The following DENND1B variants were observed in gnomAD, a reference collection of about 807,000 sequenced individuals.
The protein encoded by DENND1B is DENN domain-containing protein 1B.
In DENND1B, 59 loss-of-function variants were observed where a neutral mutation model predicts 90.1. The observed-to-expected ratio is 0.65, with a 90% CI of 0.53 to 0.81. The LOEUF is 0.81. Ranked by LOEUF, DENND1B falls within the 40% of genes least tolerant of loss-of-function variation. DENND1B has a pLI of 0.00. For missense variants in DENND1B, 862 were observed against 912.6 expected (o/e 0.94, Z 0.71); for synonymous variants, 337 against 324.6 (o/e 1.04, Z -0.41).
intron 2 of DENND1B, among the ~76,000 whole-genome samples, chr1:197,718,003 C>A (rs537539135): frequency 6.6e-6 from 1 of 151,846 alleles, no homozygotes; most frequent in Non-Finnish European, 1.5e-5. Context: ...TTCTTGATTA[C>A]GGGTTTCAGT....
chr1:197,781,002 T>C, the DENND1B span, among the ~76,000 whole-genome samples: 1 of 152,154 alleles, frequency 6.6e-6, no homozygotes, highest in Admixed American at 6.5e-5. Context: ...CAACCACTTA[T>C]TCATTGAATC....
intron 15 of DENND1B, among the ~76,000 whole-genome samples, chr1:197,582,552 C>G (rs933709848): frequency 3.3e-5 from 5 of 152,138 alleles, no homozygotes; most frequent in Non-Finnish European, 5.9e-5. Context: ...AAGACACTTG[C>G]TATGATTACA....
intron 10 of DENND1B, among the ~76,000 whole-genome samples, chr1:197,618,927 G>T (rs1180220627): frequency 6.6e-6 from 1 of 151,084 alleles, no homozygotes; most frequent in Admixed American, 6.6e-5. Flanking sequence ...AGCCACATTT[G>T]TCTATGTTTA....
At chr1:197,527,544 C>A (rs960141958) in intron 20 of DENND1B, among the ~76,000 whole-genome samples, 1 of 151,918 alleles carries the variant, frequency 6.6e-6, no homozygotes, top group Non-Finnish European at 1.5e-5. Context: ...GGCCTCCAAA[C>A]GTGCTGGGAT....
intron 9 of DENND1B, among the ~76,000 whole-genome samples, chr1:197,643,463 T>C (rs1236397631): frequency 1.3e-5 from 2 of 151,960 alleles, no homozygotes; most frequent in African/African-American, 2.4e-5. Context: ...GCCAAGAATC[T>C]GTTTTGTAAA....
chr1:197,780,815 T>C, the DENND1B span, among the ~76,000 whole-genome samples: 1 of 152,180 alleles, frequency 6.6e-6, no homozygotes, highest in African/African-American at 2.4e-5. Context: ...ATTGCAACTT[T>C]TTAATCCACC....
At chr1:197,618,574 T>G (rs1677871470) in intron 10 of DENND1B, among the ~76,000 whole-genome samples, 1 of 151,320 alleles carries the variant, frequency 6.6e-6, no homozygotes, top group African/African-American at 2.4e-5. Flanking sequence ...GATATCACTT[T>G]TTTCTCCCAT....
In DENND1B at chr1:197,625,428, A is replaced by T. The variant is rs377593907; in HGVS notation, c.673-7669T>A. ...CCAGCCAAACTAAGCTTCATAAGTG[A>T]AGGAAAAATAAAATACTTTACAGAC... On this transcript the variant is annotated intron_variant, in intron 10 of 22. Transcript: ENST00000620048. 6.6e-4 allele frequency among the ~76,000 whole-genome samples: 100 copies of T among 152,260 alleles called. No individual in the cohort carries two copies. In the East Asian group the frequency reaches 0.019, roughly 29 times the overall value.
At chr1:197,725,099 T>G (rs1661505388) in intron 2 of DENND1B, among the ~76,000 whole-genome samples, 1 of 152,066 alleles carries the variant, frequency 6.6e-6, no homozygotes, top group South Asian at 2.1e-4. Flanking sequence ...AAAAGACACA[T>G]CTTTAGATTT....
intron 2 of DENND1B, among the ~76,000 whole-genome samples, chr1:197,771,304 T>C (rs1022996051): frequency 2.6e-5 from 4 of 152,248 alleles, no homozygotes; most frequent in Non-Finnish European, 5.9e-5. Context: ...TAAACCACTA[T>C]AGAATAGAAT....
intron 10 of DENND1B, among the ~76,000 whole-genome samples, chr1:197,640,547 A>T (rs1680179526): frequency 6.6e-6 from 1 of 151,962 alleles, no homozygotes; most frequent in Non-Finnish European, 1.5e-5. Context: ...TTCTATGCAG[A>T]TATCATTCTA....
At chr1:197,659,992 G>C (rs1654244786) in intron 5 of DENND1B, among the ~76,000 whole-genome samples, 1 of 151,738 alleles carries the variant, frequency 6.6e-6, no homozygotes, top group East Asian at 1.9e-4. Context: ...AACAGCTGAA[G>C]AGAACTCCAA....
intron 22 of DENND1B, 133 bp downstream of exon 22, chr1:197,511,595 T>C (rs1360281648): frequency 6.2e-6 from 3 of 482,728 alleles, no homozygotes; most frequent in Non-Finnish European, 1.0e-5. Flanking sequence ...AATTTTATCA[T>C]ATTTTTGAAG....
chr1:197,651,595 G>C (rs569359005), intron 7 of DENND1B, among the ~76,000 whole-genome samples: 1 of 145,794 alleles, frequency 6.9e-6, no homozygotes, highest in African/African-American at 2.5e-5. Context: ...TATTAAGCAT[G>C]TGTGTATATT....
chr1:197,590,027 G>C (rs1373143432), intron 14 of DENND1B, among the ~76,000 whole-genome samples: 2 of 152,066 alleles, frequency 1.3e-5, no homozygotes, highest in African/African-American at 2.4e-5. Flanking sequence ...GTGATACAAA[G>C]AGGTATAACT....
chr1:197,561,203 C>T (rs1672133662), intron 15 of DENND1B, among the ~76,000 whole-genome samples: 1 of 151,712 alleles, frequency 6.6e-6, no homozygotes, highest in Non-Finnish European at 1.5e-5. Flanking sequence ...TGTCTACGTC[C>T]TCTCCTCTCA....
At chr1:197,683,324 A>T (rs1656884930) in intron 3 of DENND1B, among the ~76,000 whole-genome samples, 2 of 152,178 alleles carry the variant, frequency 1.3e-5, no homozygotes, top group African/African-American at 4.8e-5. Flanking sequence ...GGTTTAAAGC[A>T]AGGAAGGGAT....
chr1:197,553,998 C>T (rs1211684075), intron 15 of DENND1B, among the ~76,000 whole-genome samples: 1 of 151,872 alleles, frequency 6.6e-6, no homozygotes, highest in Non-Finnish European at 1.5e-5. Context: ...CTCACCTGTT[C>T]CAACATACAT....
intron 3 of DENND1B, among the ~76,000 whole-genome samples, chr1:197,695,260 G>C (rs1243619145): frequency 6.6e-6 from 1 of 150,728 alleles, no homozygotes. Flanking sequence ...CCCTTATAAT[G>C]TTTCGTTCTG....
Sources: allele counts gnomAD v4.1 joint callset (sites outside exome capture counted in the v4.1 genomes callset), GRCh38; gene constraint gnomAD v4.1.1; transcripts MANE v1.5; gene names NCBI Gene and HGNC (gene_info 2026-07-23, HGNC 2026-07-21).